PLSCR5: variants seen among roughly 807,000 people sequenced by gnomAD.
The protein encoded by PLSCR5 is phospholipid scramblase family, member 5.
In PLSCR5, 44 loss-of-function variants were observed where a neutral mutation model predicts 33.6. The ratio of observed to expected loss-of-function variants is 1.31; its 90% CI spans 1.03 to 1.69. PLSCR5 has a LOEUF of 1.69. Among genes scored for constraint, PLSCR5 ranks in the 40% most tolerant of loss-of-function variants. The pLI is 0.00. For synonymous variants in PLSCR5, 148 were observed against 112.3 expected (o/e 1.32, Z -2.01); for missense variants, 375 against 318.7 (o/e 1.18, Z -1.34).
chr3:146,604,724 C>T (rs2044849724), intron 1 of PLSCR5, among the ~76,000 whole-genome samples: 1 of 152,020 alleles, frequency 6.6e-6, no homozygotes, highest in Non-Finnish European at 1.5e-5. Flanking sequence ...ACATTGCCTG[C>T]TTGTATGAAG....
intron 2 of PLSCR5, among the ~76,000 whole-genome samples, chr3:146,598,546 A>G (rs1244674389): frequency 6.6e-6 from 1 of 152,220 alleles, no homozygotes; most frequent in African/African-American, 2.4e-5. Context: ...CAATGGGCTC[A>G]TATCTCTACT....
intron 5 of PLSCR5, among the ~76,000 whole-genome samples, chr3:146,591,078 A>T (rs1419654857): frequency 6.7e-6 from 1 of 148,598 alleles, no homozygotes; most frequent in African/African-American, 2.5e-5. Flanking sequence ...GTTTTAATGT[A>T]ACGTGCTGCT....
At chr3:146,582,510 G>A (rs1270963353), downstream of PLSCR5, among the ~76,000 whole-genome samples, 1 of 152,076 alleles carries the variant, frequency 6.6e-6, no homozygotes, top group African/African-American at 2.4e-5. Flanking sequence ...CTGTAAAATG[G>A]CAACTCTTTT....
intron 5 of PLSCR5, 97 bp downstream of exon 5, chr3:146,591,623 T>G (rs981649589): frequency 3.8e-6 from 5 of 1,312,248 alleles, no homozygotes; most frequent in Non-Finnish European, 5.3e-6. Context: ...TCTGAACTTA[T>G]TTTAAATGAA....
intron 1 of PLSCR5, among the ~76,000 whole-genome samples, chr3:146,604,114 C>T (rs2044843563): frequency 6.6e-6 from 1 of 151,982 alleles, no homozygotes; most frequent in South Asian, 2.1e-4. Flanking sequence ...TTGATGAGCC[C>T]TATTATCCTA....
intron 7 of PLSCR5, among the ~76,000 whole-genome samples, chr3:146,578,521 C>T (rs1370042191): frequency 2.0e-5 from 3 of 152,034 alleles, no homozygotes; most frequent in African/African-American, 7.2e-5. Flanking sequence ...CCATTTCCTG[C>T]CCACTCATAT....
intron 6 of PLSCR5, among the ~76,000 whole-genome samples, chr3:146,588,537 A>G (rs1030245536): frequency 6.6e-6 from 1 of 151,612 alleles, no homozygotes; most frequent in Non-Finnish European, 1.5e-5. Flanking sequence ...GGAAATGCAC[A>G]TGCATGTGCA....
At chr3:146,580,857 G>C (rs577387913), downstream of PLSCR5, among the ~76,000 whole-genome samples, 2 of 152,278 alleles carry the variant, frequency 1.3e-5, no homozygotes, top group African/African-American at 4.8e-5. Context: ...TGTAACAGCA[G>C]TTCTATTTCT....
chr3:146,594,588 A>G (rs560064169), intron 3 of PLSCR5, among the ~76,000 whole-genome samples: 30 of 152,204 alleles, frequency 2.0e-4, no homozygotes, highest in South Asian at 8.3e-4. Context: ...TAGGCATAAT[A>G]TAGAGCACTA....
At chr3:146,583,603 C>G (rs1053105285), downstream of PLSCR5, among the ~76,000 whole-genome samples, 1 of 152,154 alleles carries the variant, frequency 6.6e-6, no homozygotes, top group African/African-American at 2.4e-5. Flanking sequence ...ATCAATTTTA[C>G]CTTTAATAAG....
intron 5 of PLSCR5, among the ~76,000 whole-genome samples, chr3:146,591,130 A>C (rs918260621): frequency 6.6e-6 from 1 of 151,622 alleles, no homozygotes; most frequent in Non-Finnish European, 1.5e-5. Context: ...CAAGGCCCAT[A>C]GGAAAGAAGA....
At position 146,586,407 on chromosome 3, in the gene PLSCR5, G is replaced by C. The variant is rs575362066; in HGVS notation, c.778-295C>G. Among the ~76,000 whole-genome samples, 95 of 152,190 alleles carry C rather than the reference G, an allele frequency of 6.2e-4. 2 individuals are homozygous for C. In the East Asian group the frequency reaches 0.016, roughly 25 times the overall value. On this transcript the variant is annotated intron_variant, in intron 6 of 7. Coordinates refer to ENST00000443512, the MANE Select transcript of PLSCR5 (RefSeq NM_001085420.2). ...GAGAAGAAAAATTTAAAAATTTTAAGCTTCGTGACTTTTTATTTTCATGTT... is the reference window on the plus strand; with the variant it reads ...GAGAAGAAAAATTTAAAAATTTTAACCTTCGTGACTTTTTATTTTCATGTT...
At chr3:146,588,990 T>C (rs1294913058) in intron 6 of PLSCR5, among the ~76,000 whole-genome samples, 1 of 152,098 alleles carries the variant, frequency 6.6e-6, no homozygotes, top group East Asian at 1.9e-4. Flanking sequence ...GCATTGAAAA[T>C]GGTAGGAAAT....
downstream of PLSCR5, among the ~76,000 whole-genome samples, chr3:146,580,996 C>T (rs534274292): frequency 2.2e-4 from 33 of 152,252 alleles, 1 homozygote; most frequent in South Asian, 6.8e-3. Flanking sequence ...AGTATTAAAC[C>T]TGCTTAATCA....
At chr3:146,592,040 A>G (rs1237364296) in intron 4 of PLSCR5, among the ~76,000 whole-genome samples, 159 bp from the exon 5 acceptor site, 1 of 152,122 alleles carries the variant, frequency 6.6e-6, no homozygotes, top group East Asian at 1.9e-4. Context: ...CAGATTTTAT[A>G]AAATATTTTA....
chr3:146,586,065 T>G lies in PLSCR5; in HGVS notation c.*9A>C. On this transcript the variant is annotated 3_prime_UTR_variant, in exon 7 of 8. Transcript: ENST00000443512. ...TCTGCATATTTTATTGTTTTCATTA[T>G]CTTGGTTATTATAATCCAGCCAGTG... 1 of 1,482,496 alleles carries G rather than the reference T, an allele frequency of 6.7e-7. No homozygotes were observed. The highest frequency in any genetic ancestry group is 2.6e-5 in the East Asian group (1 of 37,940). 91.8% of individuals were successfully genotyped at this position (1,482,496 alleles called of 1,614,324 possible). A position where few individuals can be genotyped will look rare whatever the true frequency, so the allele number is the denominator to read the frequency against.
downstream of PLSCR5, among the ~76,000 whole-genome samples, chr3:146,583,312 ATATT>A (rs2044646370): frequency 6.6e-6 from 1 of 152,202 alleles, no homozygotes; most frequent in South Asian, 2.1e-4. Flanking sequence ...AAGTAAATAA[ATATT>A]TATTTAAATG....
intron 1 of PLSCR5, among the ~76,000 whole-genome samples, chr3:146,604,547 G>C (rs2044847800): frequency 6.6e-6 from 1 of 151,908 alleles, no homozygotes; most frequent in South Asian, 2.1e-4. Context: ...TCACATTTAA[G>C]AATCAATAAT....
At chr3:146,582,147 A>G (rs1393818685), downstream of PLSCR5, among the ~76,000 whole-genome samples, 5 of 152,210 alleles carry the variant, frequency 3.3e-5, no homozygotes, top group African/African-American at 1.2e-4. Flanking sequence ...GAGAGTAGGT[A>G]GGAAGAAACT....
Sources: gnomAD v4.1 joint callset for allele counts (sites outside exome capture counted in the v4.1 genomes callset) on GRCh38, gnomAD v4.1.1 for gene constraint, MANE v1.5 for transcripts, NCBI Gene and HGNC (gene_info 2026-07-23, HGNC 2026-07-21) for gene names.